Variants in SPMAP2L observed in about 807,000 individuals in gnomAD.
SPMAP2L encodes sperm microtubule associated protein 2 like, also known as sperm microtubule associated protein 2-like.
the SPMAP2L span, among the ~76,000 whole-genome samples, chr4:56,564,956 A>G: frequency 1.3e-5 from 2 of 152,172 alleles, no homozygotes; most frequent in Non-Finnish European, 2.9e-5. Flanking sequence ...TTAGTTTCCA[A>G]AATATATGGG....
At chr4:56,592,071 C>A in the SPMAP2L span, among the ~76,000 whole-genome samples, 1 of 152,176 alleles carries the variant, frequency 6.6e-6, no homozygotes, top group African/African-American at 2.4e-5. Flanking sequence ...GGTGAGTGAC[C>A]ATCACTACCT....
At chr4:56,559,462 A>G in the SPMAP2L span, 1 of 1,533,110 alleles carries the variant, frequency 6.5e-7, no homozygotes, top group Admixed American at 2.0e-5. Context: ...TCAGCTGACC[A>G]AAAGACTTGA....
the SPMAP2L span, among the ~76,000 whole-genome samples, chr4:56,544,007 A>T: frequency 1.0e-5 from 1 of 100,144 alleles, no homozygotes; most frequent in Non-Finnish European, 2.0e-5. Flanking sequence ...AGAGAGAGAG[A>T]TGGAGTCTCG....
At chr4:56,608,134 A>G in the SPMAP2L span, among the ~76,000 whole-genome samples, 1 of 152,160 alleles carries the variant, frequency 6.6e-6, no homozygotes, top group African/African-American at 2.4e-5. Flanking sequence ...GAAAAAAAAG[A>G]ACCTTGGTTA....
the SPMAP2L span, among the ~76,000 whole-genome samples, chr4:56,610,731 A>G: frequency 1.3e-5 from 2 of 152,322 alleles, no homozygotes; most frequent in African/African-American, 4.8e-5. Flanking sequence ...TCCAGAATCT[A>G]CAATGAACTC....
chr4:56,590,821 T>A, the SPMAP2L span, among the ~76,000 whole-genome samples: 1 of 152,216 alleles, frequency 6.6e-6, no homozygotes, highest in African/African-American at 2.4e-5. Flanking sequence ...TTCTTTCATT[T>A]TCCCAGAGGC....
the SPMAP2L span, chr4:56,575,420 G>A: frequency 2.9e-5 from 41 of 1,428,696 alleles, no homozygotes; most frequent in Middle Eastern, 1.8e-4. Flanking sequence ...GCTCCCCTAG[G>A]CCTGGGGATC....
At chr4:56,559,087 C>A in the SPMAP2L span, among the ~76,000 whole-genome samples, 1 of 151,914 alleles carries the variant, frequency 6.6e-6, no homozygotes, top group African/African-American at 2.4e-5. Context: ...GCATGTGCCA[C>A]CACGCCTGGC....
At chr4:56,592,419 T>A in the SPMAP2L span, among the ~76,000 whole-genome samples, 1 of 152,212 alleles carries the variant, frequency 6.6e-6, no homozygotes, top group African/African-American at 2.4e-5. Context: ...TCAATGTCTT[T>A]AGTTTAACAG....
chr4:56,609,448 T>A, the SPMAP2L span, among the ~76,000 whole-genome samples: 9 of 152,208 alleles, frequency 5.9e-5, no homozygotes, highest in Non-Finnish European at 8.8e-5. Context: ...TAGATGATAT[T>A]TACGTGAGAC....
the SPMAP2L span, among the ~76,000 whole-genome samples, chr4:56,598,341 T>C: frequency 6.6e-6 from 1 of 152,232 alleles, no homozygotes; most frequent in Non-Finnish European, 1.5e-5. Context: ...GAGCCAATTT[T>C]AGCTTTTAGC....
At chr4:56,589,990 A>T in the SPMAP2L span, among the ~76,000 whole-genome samples, 1 of 152,066 alleles carries the variant, frequency 6.6e-6, no homozygotes, top group Non-Finnish European at 1.5e-5. Flanking sequence ...CTCTTTACTG[A>T]TTTGGATACC....
the SPMAP2L span, chr4:56,595,394 A>G: frequency 2.5e-6 from 4 of 1,604,448 alleles, no homozygotes; most frequent in Non-Finnish European, 3.4e-6. Context: ...TCGGAGGACA[A>G]GGCAGAGCTG....
the SPMAP2L span, among the ~76,000 whole-genome samples, chr4:56,577,271 G>T: frequency 6.6e-6 from 1 of 152,098 alleles, no homozygotes; most frequent in African/African-American, 2.4e-5. Flanking sequence ...CAGGTGTGGT[G>T]GCTCATGCCT....
the SPMAP2L span, among the ~76,000 whole-genome samples, chr4:56,542,631 A>G: frequency 1.1e-4 from 16 of 152,152 alleles, no homozygotes; most frequent in African/African-American, 3.9e-4. Context: ...AATATCCCAT[A>G]TTGCAGATTA....
the SPMAP2L span, chr4:56,595,120 G>A: frequency 1.6e-5 from 26 of 1,611,288 alleles, 1 homozygote; most frequent in East Asian, 4.9e-4. Context: ...CAAGATGATG[G>A]GAGGCAAGGG....
At chr4:56,559,437 G>A in the SPMAP2L span, 3 of 1,530,966 alleles carry the variant, frequency 2.0e-6, no homozygotes, top group South Asian at 1.2e-5. Flanking sequence ...CTGTTTCCCA[G>A]GGTGCTTTGA....
chr4:56,610,058 A>G, the SPMAP2L span, among the ~76,000 whole-genome samples: 1 of 152,334 alleles, frequency 6.6e-6, no homozygotes, highest in African/African-American at 2.4e-5. Flanking sequence ...TGCAATTCCC[A>G]TTAAAATACC....
chr4:56,553,713 G>T, the SPMAP2L span, among the ~76,000 whole-genome samples: 2 of 150,584 alleles, frequency 1.3e-5, no homozygotes, highest in East Asian at 1.9e-4. Flanking sequence ...TTACATTAAG[G>T]TTCACTTTTT....
Sources: allele counts gnomAD v4.1 joint callset (sites outside exome capture counted in the v4.1 genomes callset), GRCh38; gene constraint gnomAD v4.1.1; transcripts MANE v1.5; gene names NCBI Gene and HGNC (gene_info 2026-07-23, HGNC 2026-07-21).